The following ZFYVE1 variants were observed in gnomAD, a reference collection of about 807,000 sequenced individuals.
The protein encoded by ZFYVE1 is zinc finger FYVE domain-containing protein 1.
In ZFYVE1, 30 loss-of-function variants were observed where a neutral mutation model predicts 74.4. That is an observed-to-expected ratio of 0.40 (90% CI 0.30 to 0.55). The LOEUF is 0.55. ZFYVE1 is among the 20% of genes least tolerant of loss of function. The pLI, the probability that ZFYVE1 is intolerant of heterozygous loss-of-function variation, is 0.42. For missense variants in ZFYVE1, 703 were observed against 1,011.6 expected (o/e 0.69, Z 4.14); for synonymous variants, 335 against 385.1 (o/e 0.87, Z 1.52).
intron 8 of ZFYVE1, 47 bp downstream of exon 8, chr14:72,977,880 T>G (rs775054581): frequency 6.3e-7 from 1 of 1,589,846 alleles, no homozygotes; most frequent in Non-Finnish European, 8.6e-7. Context: ...CATGAAAAAC[T>G]GAACGACACA....
At chr14:72,988,751 G>A (rs555033076) in intron 4 of ZFYVE1, among the ~76,000 whole-genome samples, 1 of 147,910 alleles carries the variant, frequency 6.8e-6, no homozygotes, top group Non-Finnish European at 1.5e-5. Flanking sequence ...AGGTTTCAGT[G>A]AGCCAAGTTT....
chr14:72,994,715 C>T (rs1893705480), intron 3 of ZFYVE1, among the ~76,000 whole-genome samples: 1 of 152,292 alleles, frequency 6.6e-6, no homozygotes, highest in South Asian at 2.1e-4. Flanking sequence ...CCCTTTCAGA[C>T]ATTTTTCCTA....
intron 1 of ZFYVE1, 108 bp downstream of exon 1, chr14:73,026,818 G>GC (rs1281949660): frequency 1.7e-4 from 4 of 22,906 alleles, no homozygotes; most frequent in African/African-American, 3.9e-4. Context: ...CGCCGCACCC[G>GC]CCCCCCCTTC....
chr14:72,976,678 GAGGCTGAGGC>G (rs955719834), intron 8 of ZFYVE1, among the ~76,000 whole-genome samples: 2 of 151,692 alleles, frequency 1.3e-5, no homozygotes, highest in African/African-American at 4.8e-5. Flanking sequence ...AGCTACTCGG[GAGGCTGAGGC>G]AGGAGAATTG....
At chr14:72,972,875 T>C (rs1893071310) in intron 11 of ZFYVE1, among the ~76,000 whole-genome samples, 2 of 152,090 alleles carry the variant, frequency 1.3e-5, no homozygotes, top group African/African-American at 4.8e-5. Flanking sequence ...GCCTGGCTAA[T>C]TTTTTTGTAT....
intron 11 of ZFYVE1, among the ~76,000 whole-genome samples, chr14:72,972,994 G>A (rs1050410940): frequency 3.3e-5 from 5 of 151,792 alleles, no homozygotes; most frequent in Admixed American, 6.6e-5. Context: ...CGTGAGCCAC[G>A]GTGCCCGGCC....
At chr14:73,010,111 A>G (rs144407606) in intron 2 of ZFYVE1, among the ~76,000 whole-genome samples, 1 of 152,284 alleles carries the variant, frequency 6.6e-6, no homozygotes, top group African/African-American at 2.4e-5. Flanking sequence ...TAATTGAACA[A>G]GCAGGATCCT....
At chr14:72,973,077 C>T (rs1459850478) in intron 11 of ZFYVE1, among the ~76,000 whole-genome samples, 2 of 152,286 alleles carry the variant, frequency 1.3e-5, no homozygotes, top group South Asian at 2.1e-4. Flanking sequence ...GAATCTTTCA[C>T]CCACTTTCCA....
chr14:72,978,090 G>A, intron 7 of ZFYVE1, 46 bp from the exon 8 acceptor site: 1 of 1,613,690 alleles, frequency 6.2e-7, no homozygotes. Flanking sequence ...AGGTGCCTGG[G>A]GAGACAAACG....
intron 2 of ZFYVE1, among the ~76,000 whole-genome samples, chr14:73,001,492 T>G (rs1392436957): frequency 6.6e-6 from 1 of 152,110 alleles, no homozygotes; most frequent in Admixed American, 6.6e-5. Context: ...ACACACCGGA[T>G]CTCATCTAAA....
intron 4 of ZFYVE1, among the ~76,000 whole-genome samples, chr14:72,983,672 G>A (rs1470483524): frequency 6.6e-6 from 1 of 152,110 alleles, no homozygotes; most frequent in African/African-American, 2.4e-5. Context: ...ACGTGTGCAT[G>A]TGTCTTTGTA....
At chr14:72,990,452 G>A (rs373245253) in intron 4 of ZFYVE1, among the ~76,000 whole-genome samples, 2 of 151,332 alleles carry the variant, frequency 1.3e-5, no homozygotes, top group East Asian at 3.9e-4. Flanking sequence ...GCTGGAGTGC[G>A]GTGGCAAGAT....
chr14:72,982,328 CA>C (rs1238242082), intron 4 of ZFYVE1, among the ~76,000 whole-genome samples: 2 of 151,576 alleles, frequency 1.3e-5, no homozygotes, highest in East Asian at 3.9e-4. Context: ...GCTATAACCA[CA>C]GGCACTTACT....
chr14:73,020,259 CAAAAAAA>C (rs33955263), intron 2 of ZFYVE1, among the ~76,000 whole-genome samples: 2 of 106,374 alleles, frequency 1.9e-5, no homozygotes, highest in Non-Finnish European at 3.5e-5. Flanking sequence ...GACTCCATCT[CAAAAAAA>C]AAAAAAAAAA....
intron 2 of ZFYVE1, among the ~76,000 whole-genome samples, chr14:72,999,390 G>A (rs990680680): frequency 6.6e-6 from 1 of 151,882 alleles, no homozygotes; most frequent in African/African-American, 2.4e-5. Context: ...TCGCACCATT[G>A]CACTCCAGCC....
chr14:72,976,533 C>A (rs1322520793), intron 8 of ZFYVE1, among the ~76,000 whole-genome samples: 1 of 151,974 alleles, frequency 6.6e-6, no homozygotes, highest in Admixed American at 6.6e-5. Context: ...GCCTGTAATC[C>A]CAGCATTTTG....
chr14:72,977,001 G>T (rs1893188954), intron 8 of ZFYVE1, among the ~76,000 whole-genome samples: 1 of 152,172 alleles, frequency 6.6e-6, no homozygotes, highest in African/African-American at 2.4e-5. Flanking sequence ...TGGATTTGTT[G>T]TGATTTATGG....
At chr14:72,996,322 C>G (rs988221120) in intron 3 of ZFYVE1, among the ~76,000 whole-genome samples, 1 of 152,176 alleles carries the variant, frequency 6.6e-6, no homozygotes. Flanking sequence ...TTGGATGCTA[C>G]ATGGAGAATG....
intron 2 of ZFYVE1, among the ~76,000 whole-genome samples, chr14:73,023,251 T>TATGTTTTATATATAATATATAA (rs1894362941): frequency 1.1e-5 from 1 of 93,224 alleles, no homozygotes; most frequent in Non-Finnish European, 2.1e-5. Flanking sequence ...AATATATATA[T>TATGTTTTATATATAATATATAA]TATATGTTTT....
Sources: allele counts gnomAD v4.1 joint callset (sites outside exome capture counted in the v4.1 genomes callset), GRCh38; gene constraint gnomAD v4.1.1; transcripts MANE v1.5; gene names NCBI Gene and HGNC (gene_info 2026-07-23, HGNC 2026-07-21).